The following CLTCL1 variants were observed in gnomAD, a reference collection of about 807,000 sequenced individuals.
CLTCL1 encodes the protein clathrin heavy chain like 1.
CLTCL1 carries 159 observed loss-of-function variants against 190.0 expected under a neutral mutation model. The observed-to-expected ratio is 0.84, with a 90% CI of 0.74 to 0.95. The LOEUF is 0.95. Ranked by LOEUF, CLTCL1 falls within the 40% of genes least tolerant of loss-of-function variation. The pLI is 0.00. For missense variants in CLTCL1, 1,878 were observed against 2,033.4 expected, an observed-to-expected ratio of 0.92 and a Z score of 1.47; for synonymous variants, 752 against 769.6, an observed-to-expected ratio of 0.98 and a Z score of 0.38.
At position 19,229,928 on chromosome 22, in the gene CLTCL1, G is replaced by A. The variant is rs1555958017; in HGVS notation, c.1692C>T (p.Ser564=). 6.2e-7 allele frequency: 1 copy of A among 1,611,256 alleles called. No homozygotes were observed. Among genetic ancestry groups the A allele is most frequent in the Non-Finnish European group, 8.5e-7 (1 of 1,178,838 alleles). The change falls in exon 11 of 33, where the codon TCC becomes TCT. Residue 564 remains serine, a synonymous_variant. Transcript: ENST00000427926. The part of the protein sequence containing the change: ...MENSLIQQCT[S]FLLDALKNNR... ...TATTCTTCAAGGCATCCAATAAGAA[G>A]GAAGTACACTGCTGAATTAAACTGT...
intron 2 of CLTCL1, among the ~76,000 whole-genome samples, chr22:19,259,161 A>G (rs1240279335): frequency 1.3e-5 from 2 of 152,132 alleles, no homozygotes; most frequent in African/African-American, 4.8e-5. Flanking sequence ...GCTGGAGTGC[A>G]ATGGCATGAT....
intron 1 of CLTCL1, among the ~76,000 whole-genome samples, chr22:19,282,322 C>T (rs1416424234): frequency 6.7e-6 from 1 of 149,822 alleles, no homozygotes. Flanking sequence ...AGCCAAGACT[C>T]CGTCTCAAAA....
Position 19,234,720 on chromosome 22 carries a change from A to G in CLTCL1, c.970-14T>C. The G allele has an allele frequency of 6.2e-7, 1 of 1,610,724 alleles. No individual in the cohort carries two copies. The highest frequency in any genetic ancestry group is 8.5e-7 in the Non-Finnish European group (1 of 1,177,214). ...AACTGACAGTACCTGTAAGGACACAACAAGTGAGAGCAGCCCGGCCTAGAA... is the reference window on the plus strand; with the variant it reads ...AACTGACAGTACCTGTAAGGACACAGCAAGTGAGAGCAGCCCGGCCTAGAA... On this transcript the variant is annotated splice_polypyrimidine_tract_variant and intron_variant, in intron 6 of 32. Coordinates refer to ENST00000427926, the MANE Select transcript of CLTCL1 (RefSeq NM_007098.4).
chr22:19,220,699 C>T (rs538703163), intron 17 of CLTCL1, among the ~76,000 whole-genome samples: 268 of 152,296 alleles, frequency 1.8e-3, no homozygotes, highest in Non-Finnish European at 3.4e-3. Context: ...CAGCGCAGTC[C>T]GCCTGTGTAT....
intron 1 of CLTCL1, among the ~76,000 whole-genome samples, chr22:19,290,858 G>C (rs1037322517): frequency 2.0e-5 from 3 of 152,176 alleles, no homozygotes; most frequent in African/African-American, 7.2e-5. Flanking sequence ...ACGAATGGTA[G>C]TGTGATGATT....
intron 3 of CLTCL1, among the ~76,000 whole-genome samples, chr22:19,253,368 G>A (rs1171322331): frequency 2.0e-5 from 3 of 152,102 alleles, no homozygotes; most frequent in Non-Finnish European, 2.9e-5. Flanking sequence ...CCCTCCCTGC[G>A]GCAGCTGTGC....
chr22:19,209,531 C>T (rs797041323), intron 20 of CLTCL1, among the ~76,000 whole-genome samples: 14 of 152,276 alleles, frequency 9.2e-5, no homozygotes, highest in Middle Eastern at 3.4e-3. Flanking sequence ...TGGCAGATTG[C>T]GTGACAGTGA....
chr22:19,242,996 T>C, intron 3 of CLTCL1, 60 bp from the exon 4 acceptor site: 1 of 1,450,574 alleles, frequency 6.9e-7, no homozygotes, highest in Non-Finnish European at 9.4e-7. Flanking sequence ...AAGAAACAAT[T>C]CTTAAAATAT....
Position 19,183,819 on chromosome 22 carries a change from G to T in CLTCL1, c.4606-208C>A, listed in dbSNP as rs1601424667. 3 of 592,006 alleles carry T rather than the reference G, an allele frequency of 5.1e-6. No homozygotes were observed. The East Asian group carries it at 8.6e-5, about 17-fold the overall frequency. 36.7% of individuals were successfully genotyped at this position (592,006 alleles called of 1,614,324 possible). A position where few individuals can be genotyped will look rare whatever the true frequency, so the allele number is the denominator to read the frequency against. ...TGCCACCTCCGGAGGCTCTGGAGGG[G>T]ACAGGTGGCTCACGGAGGCGCAGGT... On this transcript the variant is annotated intron_variant, in intron 29 of 32. Transcript: ENST00000427926.
chr22:19,290,169 T>C (rs530541775), intron 1 of CLTCL1, among the ~76,000 whole-genome samples: 41 of 152,332 alleles, frequency 2.7e-4, no homozygotes, highest in African/African-American at 9.9e-4. Flanking sequence ...TGTTGCTTTC[T>C]TGCCCTTTGA....
intron 2 of CLTCL1, among the ~76,000 whole-genome samples, chr22:19,268,500 A>G (rs2087195661): frequency 1.3e-5 from 2 of 152,100 alleles, no homozygotes; most frequent in South Asian, 2.1e-4. Flanking sequence ...TTATAATTCA[A>G]TAATAAGATG....
intron 18 of CLTCL1, 86 bp from the exon 19 acceptor site, chr22:19,216,342 C>A: frequency 7.7e-7 from 1 of 1,302,142 alleles, no homozygotes; most frequent in Non-Finnish European, 1.1e-6. Flanking sequence ...AAGGACTCCT[C>A]CAAGATGGTC....
chr22:19,183,851 G>A, intron 29 of CLTCL1: 1 of 542,516 alleles, frequency 1.8e-6, no homozygotes, highest in South Asian at 2.0e-5. Flanking sequence ...AGGTGCCCTG[G>A]GAGACAGGAA....
intron 13 of CLTCL1, among the ~76,000 whole-genome samples, chr22:19,224,823 T>C (rs1196849707): frequency 6.6e-6 from 1 of 152,188 alleles, no homozygotes; most frequent in African/African-American, 2.4e-5. Flanking sequence ...CCTCCACCGA[T>C]GCCCCAACCT....
intron 22 of CLTCL1, among the ~76,000 whole-genome samples, chr22:19,203,465 T>C (rs374165413): frequency 4.6e-5 from 7 of 152,306 alleles, no homozygotes; most frequent in African/African-American, 1.7e-4. Context: ...CTATTCTCTC[T>C]GCAATCCACT....
rs782072828 is a variant in CLTCL1 at position 19,253,951 on chromosome 22, A to C, written c.519+8T>G. ...CAGACCAGCCCCTAAAGGCAGCTCA[A>C]GGCTTACCTGAGCCGAGATGCCTAC... On this transcript the variant is annotated splice_region_variant and intron_variant, in intron 3 of 32. Coordinates refer to ENST00000427926, the MANE Select transcript of CLTCL1 (RefSeq NM_007098.4). 1.2e-6 allele frequency: 2 copies of C among 1,610,990 alleles called. No homozygotes were observed. The highest frequency in any genetic ancestry group is 1.7e-5 in the Admixed American group (1 of 59,772).
chr22:19,195,605 G>A (rs1008279231), intron 26 of CLTCL1, among the ~76,000 whole-genome samples: 17 of 152,160 alleles, frequency 1.1e-4, no homozygotes, highest in Non-Finnish European at 1.8e-4. Context: ...GGGGGCTGAG[G>A]ATAAAGAATT....
intron 2 of CLTCL1, 106 bp downstream of exon 2, chr22:19,275,517 T>C (rs2087470201): frequency 2.5e-6 from 3 of 1,211,044 alleles, no homozygotes; most frequent in Non-Finnish European, 3.5e-6. Flanking sequence ...TGGAATACTA[T>C]TGAGGAGCAC....
intron 2 of CLTCL1, among the ~76,000 whole-genome samples, chr22:19,268,851 T>G (rs1555979105): frequency 6.6e-6 from 1 of 152,036 alleles, no homozygotes; most frequent in African/African-American, 2.4e-5. Flanking sequence ...TTCCAGCAAT[T>G]TGGGAGGCCA....
Sources: allele counts gnomAD v4.1 joint callset (sites outside exome capture counted in the v4.1 genomes callset), GRCh38; gene constraint gnomAD v4.1.1; transcripts MANE v1.5; gene names NCBI Gene and HGNC (gene_info 2026-07-23, HGNC 2026-07-21).